MYH14: variants seen among roughly 807,000 people sequenced by gnomAD.
The protein encoded by MYH14 is myosin heavy chain 14.
A neutral mutation model predicts 255.5 loss-of-function variants in MYH14; 123 were observed. That is an observed-to-expected ratio of 0.48 (90% CI 0.42 to 0.56). MYH14 has a LOEUF of 0.56. Ranked by LOEUF, MYH14 falls within the 20% of genes least tolerant of loss-of-function variation. The pLI, the probability that MYH14 is intolerant of heterozygous loss-of-function variation, is 0.00. For missense variants in MYH14, 2,423 were observed against 2,802.3 expected (o/e 0.86, Z 3.06); for synonymous variants, 1,095 against 1,161.2 (o/e 0.94, Z 1.16).
At chr19:50,297,855 C>T (rs1362869723) in intron 39 of MYH14, among the ~76,000 whole-genome samples, 1 of 152,000 alleles carries the variant, frequency 6.6e-6, no homozygotes, top group Non-Finnish European at 1.5e-5. Context: ...CACCCTAATC[C>T]AGTGTGACCT....
chr19:50,227,740 G>A (rs2033179242), intron 8 of MYH14, among the ~76,000 whole-genome samples: 1 of 152,168 alleles, frequency 6.6e-6, no homozygotes. Context: ...CACTCTGGGA[G>A]TGCAGAAATT....
In MYH14 at chr19:50,276,701, G is replaced by A; in HGVS notation, c.3681-56G>A. On this transcript the variant is annotated intron_variant, in intron 28 of 42. Transcript: ENST00000642316. The surrounding 1 kb of genome is among the most constrained non-coding windows in gnomAD (Gnocchi z 4.3). ...AGGAGAAACAACCAGCTCCCCCAAA[G>A]CCCCTGCCTTCCTCTGCTCTGAAAT... 1.2e-6 allele frequency: 2 copies of A among 1,610,892 alleles called. No homozygotes were observed. The highest frequency in any genetic ancestry group is 1.7e-6 in the Non-Finnish European group (2 of 1,178,748).
At position 50,252,461 on chromosome 19, in the gene MYH14, G is replaced by C. The variant is rs1193660131; in HGVS notation, c.1831-178G>C. ...AGGGGGCATAGAGGGGAAGGAGAGA[G>C]AGGGGACCATGCTGGTGGGGTGCAG... On this transcript the variant is annotated intron_variant, in intron 15 of 42. Coordinates refer to ENST00000642316, the MANE Select transcript of MYH14 (RefSeq NM_001145809.2). The surrounding 1 kb of genome is among the most constrained non-coding windows in gnomAD (Gnocchi z 4.2). Among the ~76,000 whole-genome samples the C allele has an allele frequency of 1.3e-5, 2 of 152,092 alleles. No homozygotes were observed. The highest frequency in any genetic ancestry group is 2.4e-5 in the African/African-American group (1 of 41,410).
chr19:50,250,794 G>A lies in MYH14; in HGVS notation c.1830+106G>A. 8.1e-7 allele frequency: 1 copy of A among 1,230,904 alleles called. No individual in the cohort carries two copies. Among genetic ancestry groups the A allele is most frequent in the Non-Finnish European group, 1.1e-6 (1 of 883,062 alleles). 76.2% of individuals were successfully genotyped at this position (1,230,904 alleles called of 1,614,324 possible). On this transcript the variant is annotated intron_variant, in intron 15 of 42. Coordinates refer to ENST00000642316, the MANE Select transcript of MYH14 (RefSeq NM_001145809.2). The surrounding 1 kb of genome is among the most constrained non-coding windows in gnomAD (Gnocchi z 5.4). ...AGAGGGAAAACAGGGTCCTCCTGAGGTCCAGACAAACAGAGCAGGGGCTAG... is the reference window on the plus strand; with the variant it reads ...AGAGGGAAAACAGGGTCCTCCTGAGATCCAGACAAACAGAGCAGGGGCTAG...
At chr19:50,300,273 AG>A (rs2036435277) in intron 39 of MYH14, among the ~76,000 whole-genome samples, 1 of 152,204 alleles carries the variant, frequency 6.6e-6, no homozygotes, top group Non-Finnish European at 1.5e-5. Context: ...GTTCAGAGAC[AG>A]GAAGCAGCAG....
At chr19:50,215,998 C>G (rs1030331357) in intron 2 of MYH14, among the ~76,000 whole-genome samples, 6 of 152,214 alleles carry the variant, frequency 3.9e-5, no homozygotes, top group Admixed American at 3.3e-4. Context: ...AGCTAAGCCA[C>G]TAAGCAGGTA....
rs916043274 is a variant in MYH14 at position 50,230,926 on chromosome 19, C to G, written c.973+303C>G. ...GCTTCCGAAGCTCCGTGGCTTCTCT[C>G]TCGCGCGGCTTCTCCTCACTCCGGC... On this transcript the variant is annotated intron_variant, in intron 9 of 42. Transcript: ENST00000642316. This position sits in a 1 kb window ranked among gnomAD's most constrained non-coding sequence, Gnocchi z 4.7. 2 of 390,076 alleles carry G rather than the reference C, an allele frequency of 5.1e-6. No homozygotes were observed. The highest frequency in any genetic ancestry group is 9.5e-6 in the Non-Finnish European group (2 of 209,876). 24.2% of individuals were successfully genotyped at this position (390,076 alleles called of 1,614,324 possible).
At chr19:50,307,423 C>A (rs1191132095) in intron 41 of MYH14, among the ~76,000 whole-genome samples, 1 of 152,302 alleles carries the variant, frequency 6.6e-6, no homozygotes, top group East Asian at 1.9e-4. Flanking sequence ...TTAAACCCTA[C>A]CCAGAAGCTA....
At chr19:50,251,336 T>A (rs2034361849) in intron 15 of MYH14, among the ~76,000 whole-genome samples, 1 of 151,996 alleles carries the variant, frequency 6.6e-6, no homozygotes, top group Non-Finnish European at 1.5e-5. Flanking sequence ...TACATAAGTA[T>A]CTTCAAGCCC....
chr19:50,286,611 C>T lies in MYH14; in HGVS notation c.4669C>T (p.Arg1557Cys), dbSNP rs780299880. Residue 1557 changes from arginine (R) to cysteine (C), a missense_variant, in exon 34 of 43, where the codon CGT becomes TGT. Arg to Cys is a radical substitution (Grantham distance 180, BLOSUM62 -3). This residue lies in a region of MYH14 where 1,513 missense variants were observed against 1,674.8 expected (regional missense o/e 0.90). Coordinates refer to ENST00000642316, the MANE Select transcript of MYH14 (RefSeq NM_001145809.2). ...TRALEEEQEA[R>C]EELERQNRAL... is the part of the protein sequence containing the mutation. ...GGCACTGGAGGAGGAGCAGGAGGCA[C>T]GTGAGGAGCTGGAGCGGCAGAACCG... 3.6e-5 allele frequency: 57 copies of T among 1,603,232 alleles called. 1 individual carries two copies. In the South Asian group the frequency reaches 4.9e-4, roughly 14 times the overall value.
At chr19:50,216,579 G>A (rs2032483746) in intron 2 of MYH14, among the ~76,000 whole-genome samples, 1 of 151,610 alleles carries the variant, frequency 6.6e-6, no homozygotes, top group Admixed American at 6.6e-5. Flanking sequence ...ACTCCAGCCT[G>A]GGTGACAGAG....
chr19:50,302,101 A>C (rs977131279), intron 40 of MYH14, among the ~76,000 whole-genome samples: 1 of 144,422 alleles, frequency 6.9e-6, no homozygotes, highest in Non-Finnish European at 1.5e-5. Context: ...CAACATAGCA[A>C]GACCTCATCT....
chr19:50,268,100 C>T (rs2035155617), intron 23 of MYH14, 61 bp from the exon 24 acceptor site: 1 of 1,511,228 alleles, frequency 6.6e-7, no homozygotes, highest in Non-Finnish European at 8.8e-7. Flanking sequence ...CAGTAGGCAC[C>T]CAGTGCAGGT....
chr19:50,229,063 G>C (rs1460352606), intron 8 of MYH14, among the ~76,000 whole-genome samples: 1 of 152,158 alleles, frequency 6.6e-6, no homozygotes, highest in African/African-American at 2.4e-5. Flanking sequence ...GGTGGCTGCT[G>C]CTATCACCCC....
intron 30 of MYH14, among the ~76,000 whole-genome samples, chr19:50,278,916 A>C (rs1030351379): frequency 6.6e-6 from 1 of 151,572 alleles, no homozygotes; most frequent in East Asian, 2.0e-4. Context: ...TGAACCCGGG[A>C]GGCAGAGGTT....
chr19:50,303,330 G>A (rs1003313908), intron 40 of MYH14, among the ~76,000 whole-genome samples: 31 of 152,200 alleles, frequency 2.0e-4, no homozygotes, highest in African/African-American at 7.5e-4. Context: ...GGACAACTAA[G>A]CTAACTTGTC....
chr19:50,307,162 G>T lies in MYH14; in HGVS notation c.5787+5G>T, dbSNP rs2036682010. ...GCTGACCAGCTCCGGGACCAGGTAA[G>T]CAGCTGGCATCATTAGGGAGCAGTG... On this transcript the variant is annotated splice_donor_5th_base_variant and intron_variant, in intron 41 of 42. Transcript: ENST00000642316. The T allele has an allele frequency of 2.0e-6, 3 of 1,528,244 alleles. No homozygotes were observed. Among genetic ancestry groups the T allele is most frequent in the Non-Finnish European group, 1.8e-6 (2 of 1,127,830 alleles). 94.7% of individuals were successfully genotyped at this position (1,528,244 alleles called of 1,614,324 possible).
chr19:50,239,117 T>A (rs2033789358), intron 10 of MYH14, among the ~76,000 whole-genome samples: 2 of 152,096 alleles, frequency 1.3e-5, no homozygotes, highest in South Asian at 4.1e-4. Flanking sequence ...CCCCCCAGAT[T>A]CAAGCAATTC....
Position 50,252,777 on chromosome 19 carries a change from C to A in MYH14, c.1945+24C>A. 6.7e-7 allele frequency: 1 copy of A among 1,500,384 alleles called. No homozygotes were observed. Among genetic ancestry groups the A allele is most frequent in the Non-Finnish European group, 9.1e-7 (1 of 1,098,016 alleles). The allele number at this position is 1,500,384 out of a possible 1,614,324, so 92.9% of individuals were successfully genotyped here. A position where few individuals can be genotyped will look rare whatever the true frequency, so the allele number is the denominator to read the frequency against. On this transcript the variant is annotated intron_variant, in intron 16 of 42. Coordinates refer to ENST00000642316, the MANE Select transcript of MYH14 (RefSeq NM_001145809.2). The surrounding 1 kb of genome is among the most constrained non-coding windows in gnomAD (Gnocchi z 4.2). ...CGGTGAGGACCCACTTCCCCCACCCCGGCTCTAGGGGTCTGTGCGGCCATT... is the reference window on the plus strand; with the variant it reads ...CGGTGAGGACCCACTTCCCCCACCCAGGCTCTAGGGGTCTGTGCGGCCATT...
Sources: gnomAD v4.1 joint callset for allele counts (sites outside exome capture counted in the v4.1 genomes callset) on GRCh38, gnomAD v4.1.1 for gene constraint, gnomAD v4.1.1 regional missense constraint, Gnocchi (gnomAD v3.1) non-coding constraint, MANE v1.5 for transcripts, NCBI Gene and HGNC (gene_info 2026-07-23, HGNC 2026-07-21) for gene names.